The following TCERG1L variants were observed in gnomAD, a reference collection of about 807,000 sequenced individuals.
TCERG1L encodes transcription elongation regulator 1-like protein.
TCERG1L carries 37 observed loss-of-function variants against 56.3 expected under a neutral mutation model. The observed-to-expected ratio is 0.66, with a 90% CI of 0.51 to 0.87. The LOEUF (loss-of-function observed/expected upper bound fraction) is 0.87. Among genes scored for constraint, TCERG1L ranks in the 40% least tolerant of loss-of-function variants. The pLI, the probability that TCERG1L is intolerant of heterozygous loss-of-function variation, is 0.00. For missense variants in TCERG1L, 799 were observed against 774.2 expected (o/e 1.03, Z -0.38); for synonymous variants, 324 against 326.3 (o/e 0.99, Z 0.08).
intron 4 of TCERG1L, among the ~76,000 whole-genome samples, chr10:131,216,865 G>T (rs1250640056): frequency 1.3e-5 from 2 of 152,188 alleles, no homozygotes; most frequent in Non-Finnish European, 2.9e-5. Context: ...GGGAGAGGAA[G>T]AAGCTATGTC....
Position 131,111,027 on chromosome 10 carries a change from G to A in TCERG1L, c.1395+5772C>T, listed in dbSNP as rs191114176. On this transcript the variant is annotated intron_variant, in intron 9 of 11. Coordinates refer to ENST00000368642, the MANE Select transcript of TCERG1L (RefSeq NM_174937.4). ...TCCCTGGATCATGGAAAAGGCCAGC[G>A]ATCCTGATGACCAGAGAAAAGGGCG... 1.5e-4 allele frequency among the ~76,000 whole-genome samples: 21 copies of A among 143,252 alleles called. 2 individuals carry two copies. The highest frequency in any genetic ancestry group is 2.7e-4 in the Non-Finnish European group (17 of 63,570). 94.0% of individuals were successfully genotyped at this position (143,252 alleles called of 152,430 possible). A position where few individuals can be genotyped will look rare whatever the true frequency, so the allele number is the denominator to read the frequency against.
intron 4 of TCERG1L, among the ~76,000 whole-genome samples, chr10:131,214,337 T>A (rs1190587491): frequency 2.0e-5 from 3 of 150,734 alleles, no homozygotes; most frequent in Non-Finnish European, 3.0e-5. Flanking sequence ...TCCTGGCTGC[T>A]CATCTCTTCC....
At chr10:131,109,927 A>G (rs978781523) in intron 9 of TCERG1L, among the ~76,000 whole-genome samples, 1 of 152,236 alleles carries the variant, frequency 6.6e-6, no homozygotes, top group African/African-American at 2.4e-5. Context: ...GGCAGTTTCC[A>G]AACTCGGCAG....
chr10:131,132,091 G>C (rs535672857), intron 8 of TCERG1L, among the ~76,000 whole-genome samples: 248 of 152,292 alleles, frequency 1.6e-3, no homozygotes, highest in Non-Finnish European at 3.1e-3. Flanking sequence ...TTGGTGCTTC[G>C]GAAGAGCTTT....
chr10:131,187,800 G>A (rs551422733), intron 4 of TCERG1L, among the ~76,000 whole-genome samples: 2 of 152,202 alleles, frequency 1.3e-5, no homozygotes, highest in East Asian at 3.9e-4. Flanking sequence ...GCACCTACTC[G>A]GCACTCCATC....
At chr10:131,227,038 A>G in intron 4 of TCERG1L, among the ~76,000 whole-genome samples, 1 of 152,246 alleles carries the variant, frequency 6.6e-6, no homozygotes, top group Non-Finnish European at 1.5e-5. Context: ...AGCCCTGCTC[A>G]CAACAGCAAG....
intron 4 of TCERG1L, among the ~76,000 whole-genome samples, chr10:131,207,932 C>T (rs1845560800): frequency 6.6e-6 from 1 of 152,150 alleles, no homozygotes; most frequent in Admixed American, 6.5e-5. Flanking sequence ...CTCCAGGCGG[C>T]TTCAGGGAGG....
chr10:131,182,741 C>T (rs985591688), intron 4 of TCERG1L, among the ~76,000 whole-genome samples: 10 of 148,218 alleles, frequency 6.7e-5, no homozygotes, highest in African/African-American at 2.5e-4. Context: ...TGTGAAAATG[C>T]AGTGCTCACC....
rs1395073065 is a variant in TCERG1L at position 131,146,611 on chromosome 10, T to C, written c.1084A>G (p.Met362Val). The change falls in exon 7 of 12, where the codon ATG becomes GTG. Residue 362 changes from methionine (M) to valine (V), a missense_variant. Coordinates refer to ENST00000368642, the MANE Select transcript of TCERG1L (RefSeq NM_174937.4). ...GGCTTCTCCCAGACAGACAGGTGCA[T>C]CGTTGGGTTGAAGAAGAAAACTCGG... ...DDRVFFFNPT[M>V]HLSVWEKPMD... The C allele has an allele frequency of 2.5e-6, 4 of 1,613,624 alleles. No individual in the cohort carries two copies.
chr10:131,218,410 C>T (rs1000665963), intron 4 of TCERG1L, among the ~76,000 whole-genome samples: 2 of 152,328 alleles, frequency 1.3e-5, no homozygotes, highest in African/African-American at 2.4e-5. Flanking sequence ...GTGGTGTGAC[C>T]TCACTGCATG....
chr10:131,263,415 T>C (rs10829963), intron 3 of TCERG1L, among the ~76,000 whole-genome samples: 46,413 of 152,112 alleles, frequency 0.31, 7,863 homozygotes, highest in East Asian at 0.53. Flanking sequence ...GTCCATCTTT[T>C]GTTATATTGC....
chr10:131,260,669 C>T lies in TCERG1L; in HGVS notation c.671-225G>A, dbSNP rs910117776. On this transcript the variant is annotated intron_variant, in intron 3 of 11. Coordinates refer to ENST00000368642, the MANE Select transcript of TCERG1L (RefSeq NM_174937.4). This position sits in a 1 kb window ranked among gnomAD's most constrained non-coding sequence, Gnocchi z 5.8. ...CATGCAACCAGTGCACACACAGAGC[C>T]GTGTGATGCCCAGTGAGCTGCAAGG... Among the ~76,000 whole-genome samples the T allele has an allele frequency of 2.6e-5, 4 of 152,096 alleles. No homozygotes were observed. The highest frequency in any genetic ancestry group is 5.9e-5 in the Non-Finnish European group (4 of 68,024).
intron 4 of TCERG1L, among the ~76,000 whole-genome samples, chr10:131,248,080 TATGCACACACACAC>T (rs766529714): frequency 6.6e-6 from 1 of 151,182 alleles, no homozygotes; most frequent in East Asian, 1.9e-4. Flanking sequence ...ACATGACTCA[TATGCACACACACAC>T]ATGCACACAC....
chr10:131,206,388 G>T (rs1390454724), intron 4 of TCERG1L, among the ~76,000 whole-genome samples: 5 of 152,174 alleles, frequency 3.3e-5, no homozygotes, highest in African/African-American at 9.7e-5. Flanking sequence ...AGGCCCTGGG[G>T]CCCCAGACAG....
At chr10:131,285,044 C>T (rs1307709396) in intron 3 of TCERG1L, among the ~76,000 whole-genome samples, 1 of 151,938 alleles carries the variant, frequency 6.6e-6, no homozygotes. Flanking sequence ...TCTATGAATC[C>T]AGTATAGCTT....
Position 131,311,386 on chromosome 10 carries a change from T to C in TCERG1L, c.250A>G (p.Ser84Gly), listed in dbSNP as rs1298303319. 2 of 1,187,880 alleles carry C rather than the reference T, an allele frequency of 1.7e-6. No homozygotes were observed. The highest frequency in any genetic ancestry group is 2.1e-6 in the Non-Finnish European group (2 of 962,214). The allele number at this position is 1,187,880 out of a possible 1,614,324, so 73.6% of individuals were successfully genotyped here. A position where few individuals can be genotyped will look rare whatever the true frequency, so the allele number is the denominator to read the frequency against. The change falls in exon 1 of 12, where the codon AGC (serine) becomes GGC (glycine). Residue 84 changes from serine to glycine, a missense_variant. By Grantham distance (56) the Ser-to-Gly change is moderately conservative. Transcript: ENST00000368642. This position sits in a 1 kb window ranked among gnomAD's most constrained non-coding sequence, Gnocchi z 4.0. ...GGCAGCAGCGGGAGCACCGGCTCGC[T>C]CGGGGCCGGCCAGCCGGGGAGACCG... ...LPGLPGWPAP[S>G]EPVLPLLPLP...
chr10:131,234,582 G>A lies in TCERG1L; in HGVS notation c.856+25677C>T, dbSNP rs150023687. 1.7e-3 allele frequency among the ~76,000 whole-genome samples: 259 copies of A among 152,330 alleles called. 1 individual carries two copies. The highest frequency in any genetic ancestry group is 5.8e-3 in the Admixed American group (88 of 15,298). On this transcript the variant is annotated intron_variant, in intron 4 of 11. Coordinates refer to ENST00000368642, the MANE Select transcript of TCERG1L (RefSeq NM_174937.4). Reference sequence around the variant, plus strand: ...CAGCTTACATCACGGGAGAAAGAGTGTACTCATTTATTCTTGATCCCAAGG... The same window carrying A: ...CAGCTTACATCACGGGAGAAAGAGTATACTCATTTATTCTTGATCCCAAGG...
chr10:131,165,775 T>C (rs1221024488), intron 5 of TCERG1L, among the ~76,000 whole-genome samples: 8 of 152,216 alleles, frequency 5.3e-5, no homozygotes, highest in Admixed American at 5.2e-4. Context: ...TCTCTACTGC[T>C]ACTTACCGAG....
At chr10:131,139,810 ATGTG>A (rs769725831) in intron 7 of TCERG1L, among the ~76,000 whole-genome samples, 1 of 149,542 alleles carries the variant, frequency 6.7e-6, no homozygotes, top group African/African-American at 2.5e-5. Context: ...GTGTGCGTAT[ATGTG>A]TGTGTATGTG....
Sources: allele counts gnomAD v4.1 joint callset (sites outside exome capture counted in the v4.1 genomes callset), GRCh38; gene constraint gnomAD v4.1.1; non-coding constraint Gnocchi (gnomAD v3.1); transcripts MANE v1.5; gene names NCBI Gene and HGNC (gene_info 2026-07-23, HGNC 2026-07-21).